Variants in HS3ST2 observed in about 807,000 individuals in gnomAD.
HS3ST2 encodes heparan sulfate-glucosamine 3-sulfotransferase 2.
Under a neutral mutation model 26.3 loss-of-function variants are expected in HS3ST2, and 17 were observed. That is an observed-to-expected ratio of 0.65 (90% CI 0.44 to 0.97). The LOEUF is 0.97. Ranked by LOEUF, HS3ST2 falls within the 50% of genes least tolerant of loss-of-function variation. HS3ST2 has a pLI of 0.00. For missense variants in HS3ST2, 402 were observed against 501.2 expected (o/e 0.80, Z 1.89); for synonymous variants, 237 against 219.2 (o/e 1.08, Z -0.72).
chr16:22,911,796 C>T (rs1902427456), intron 1 of HS3ST2, among the ~76,000 whole-genome samples: 1 of 152,164 alleles, frequency 6.6e-6, no homozygotes, highest in African/African-American at 2.4e-5. Context: ...ATTACATCTG[C>T]AAAGACCCTT....
At chr16:22,898,982 G>T (rs547512677) in intron 1 of HS3ST2, among the ~76,000 whole-genome samples, 8 of 152,294 alleles carry the variant, frequency 5.3e-5, no homozygotes, top group African/African-American at 1.9e-4. Context: ...ACTGCAATTG[G>T]ATCACCTCCA....
intron 1 of HS3ST2, among the ~76,000 whole-genome samples, chr16:22,864,512 C>A (rs1159274418): frequency 6.6e-6 from 1 of 152,156 alleles, no homozygotes; most frequent in Non-Finnish European, 1.5e-5. Context: ...GTGTGTGTAG[C>A]TGGTCTGGTC....
At chr16:22,852,523 C>G (rs1787899299) in intron 1 of HS3ST2, among the ~76,000 whole-genome samples, 1 of 152,148 alleles carries the variant, frequency 6.6e-6, no homozygotes, top group Non-Finnish European at 1.5e-5. Flanking sequence ...AGTTCTTAGA[C>G]ACCCTGGGAG....
chr16:22,818,800 C>T lies in HS3ST2; in HGVS notation c.485+3705C>T, dbSNP rs1406717765. Among the ~76,000 whole-genome samples the T allele has an allele frequency of 6.9e-3, 50 of 7,292 alleles. 4 individuals carry two copies. The East Asian group carries it at 0.071, about 10-fold the overall frequency. The allele number at this position is 7,292 out of a possible 152,430, so 4.8% of individuals were successfully genotyped here. ...TCCTTCCTTCCTTCCCTCCCTCCCT[C>T]CCTTCCTTCCTTCCTTCCTTCCTTC... is the stretch of plus-strand genomic sequence containing the variant. On this transcript the variant is annotated intron_variant, in intron 1 of 1. Coordinates refer to ENST00000261374, the MANE Select transcript of HS3ST2 (RefSeq NM_006043.2).
rs1450600693 is a variant in HS3ST2 at position 22,845,043 on chromosome 16, A to AT, written c.485+29948_485+29949insT. Among the ~76,000 whole-genome samples the AT allele has an allele frequency of 6.5e-3, 949 of 145,308 alleles. 16 individuals are homozygous for AT. Among genetic ancestry groups the AT allele is most frequent in the African/African-American group, 0.024 (860 of 35,366 alleles). The stretch of plus-strand genomic sequence containing the variant: ...CTAATTTTTTGTATTTTTAGTATAG[A>AT]CAGGATTTCACTGTGTTAGTTAGGA... On this transcript the variant is annotated intron_variant, in intron 1 of 1. Coordinates refer to ENST00000261374, the MANE Select transcript of HS3ST2 (RefSeq NM_006043.2).
rs1469644277 is a variant in HS3ST2, at chr16:22,915,442, A to G, written c.984A>G (p.Lys328=). 1.2e-6 allele frequency: 2 copies of G among 1,613,964 alleles called. No individual in the cohort carries two copies. Among genetic ancestry groups the G allele is most frequent in the Admixed American group, 1.7e-5 (1 of 59,992 alleles). Residue 328 remains lysine (K), a synonymous_variant, in exon 2 of 2, where the codon AAA becomes AAG. Coordinates refer to ENST00000261374, the MANE Select transcript of HS3ST2 (RefSeq NM_006043.2). ...ESSLLPRCLG[K]SKGRTHVQID... is the part of the protein sequence containing the mutation. ...GCCTCCTGCCTCGATGCTTGGGCAAATCAAAAGGGAGAACTCATGTACAGA... is the reference window on the plus strand; with the variant it reads ...GCCTCCTGCCTCGATGCTTGGGCAAGTCAAAAGGGAGAACTCATGTACAGA...
At position 22,915,421 on chromosome 16, in the gene HS3ST2, C is replaced by G. The variant is rs539271647; in HGVS notation, c.963C>G (p.Leu321=). The G allele has an allele frequency of 3.6e-5, 58 of 1,613,920 alleles. No homozygotes were observed. The Middle Eastern group carries it at 5.0e-4, about 14-fold the overall frequency. ...FPCLKKTESS[L]LPRCLGKSKG... ...GCTTGAAAAAAACAGAATCGAGCCT[C>G]CTGCCTCGATGCTTGGGCAAATCAA... is the stretch of plus-strand genomic sequence containing the variant. The change falls in exon 2 of 2, where the codon CTC becomes CTG. Residue 321 remains leucine (L), a synonymous_variant. Coordinates refer to ENST00000261374, the MANE Select transcript of HS3ST2 (RefSeq NM_006043.2).
In HS3ST2 at chr16:22,881,832, G is replaced by A. The variant is rs946164860; in HGVS notation, c.486-33112G>A. On this transcript the variant is annotated intron_variant, in intron 1 of 1. Coordinates refer to ENST00000261374, the MANE Select transcript of HS3ST2 (RefSeq NM_006043.2). ...AGCATTTTCTCAGGTGCCTGGAATCGAACAGGTCCTTTGTAAACATCAGCA... is the reference window on the plus strand; with the variant it reads ...AGCATTTTCTCAGGTGCCTGGAATCAAACAGGTCCTTTGTAAACATCAGCA... Among the ~76,000 whole-genome samples the A allele has an allele frequency of 9.9e-5, 15 of 152,142 alleles. No homozygotes were observed. The South Asian group carries it at 1.2e-3, about 13-fold the overall frequency.
At chr16:22,815,704 A>G (rs1022853522) in intron 1 of HS3ST2, among the ~76,000 whole-genome samples, 2 of 152,148 alleles carry the variant, frequency 1.3e-5, no homozygotes, top group Non-Finnish European at 2.9e-5. Context: ...GTCTTTGAGT[A>G]GTGGAAAGAG....
intron 1 of HS3ST2, among the ~76,000 whole-genome samples, chr16:22,858,657 C>T (rs1004020190): frequency 1.3e-5 from 2 of 152,028 alleles, no homozygotes; most frequent in African/African-American, 2.4e-5. Flanking sequence ...AAACTTGCAG[C>T]TAGACAGCCA....
At chr16:22,893,078 C>T (rs1902151376) in intron 1 of HS3ST2, among the ~76,000 whole-genome samples, 1 of 152,144 alleles carries the variant, frequency 6.6e-6, no homozygotes, top group Non-Finnish European at 1.5e-5. Flanking sequence ...ACATCTTTGC[C>T]TTGCCTAACT....
intron 1 of HS3ST2, among the ~76,000 whole-genome samples, chr16:22,844,509 G>A (rs917488781): frequency 4.6e-5 from 7 of 152,118 alleles, no homozygotes; most frequent in Non-Finnish European, 7.4e-5. Flanking sequence ...TTTCTGGGAG[G>A]GATGTGGTTT....
At chr16:22,821,671 C>T (rs1233209117) in intron 1 of HS3ST2, among the ~76,000 whole-genome samples, 2 of 152,082 alleles carry the variant, frequency 1.3e-5, no homozygotes, top group East Asian at 3.9e-4. Context: ...AAATGCTTTC[C>T]ATTGGCCAGG....
chr16:22,878,106 A>G (rs114969800), intron 1 of HS3ST2, among the ~76,000 whole-genome samples: 1,535 of 152,290 alleles, frequency 0.01, 32 homozygotes, highest in African/African-American at 0.035. Context: ...TAAGATAACA[A>G]CTAGTACCAG....
chr16:22,837,578 TAC>T (rs1045004308), intron 1 of HS3ST2, among the ~76,000 whole-genome samples: 139 of 140,220 alleles, frequency 9.9e-4, no homozygotes, highest in Middle Eastern at 3.8e-3. Context: ...TATATATATA[TAC>T]ACACACACAC....
intron 1 of HS3ST2, among the ~76,000 whole-genome samples, chr16:22,837,262 T>G (rs918198040): frequency 2.6e-5 from 4 of 151,744 alleles, no homozygotes; most frequent in Non-Finnish European, 5.9e-5. Context: ...CTCCCATGTG[T>G]GAAGTAGGGA....
chr16:22,900,977 G>C (rs1021897023), intron 1 of HS3ST2, among the ~76,000 whole-genome samples: 1 of 152,178 alleles, frequency 6.6e-6, no homozygotes, highest in Admixed American at 6.5e-5. Context: ...TGAAGGGATA[G>C]ATAGCTGGTT....
chr16:22,838,509 T>C (rs1251982651), intron 1 of HS3ST2, among the ~76,000 whole-genome samples: 2 of 152,098 alleles, frequency 1.3e-5, no homozygotes, highest in Non-Finnish European at 2.9e-5. Context: ...CATTCTTATT[T>C]AGTTCAATCC....
chr16:22,866,371 T>TGC (rs747189614), intron 1 of HS3ST2, among the ~76,000 whole-genome samples: 5 of 49,942 alleles, frequency 1.0e-4, no homozygotes, highest in African/African-American at 3.7e-4. Flanking sequence ...ATGGTGTGCG[T>TGC]GTGTGTGTGT....
Sources: gnomAD v4.1 joint callset for allele counts (sites outside exome capture counted in the v4.1 genomes callset) on GRCh38, gnomAD v4.1.1 for gene constraint, MANE v1.5 for transcripts, NCBI Gene and HGNC (gene_info 2026-07-23, HGNC 2026-07-21) for gene names.